Variants in ZBTB7C observed in about 807,000 individuals in gnomAD.
ZBTB7C encodes zinc finger and BTB domain-containing protein 7C.
In ZBTB7C, 8 loss-of-function variants were observed where a neutral mutation model predicts 25.7. The observed-to-expected ratio is 0.31, with a 90% CI of 0.18 to 0.56. The LOEUF (loss-of-function observed/expected upper bound fraction) is 0.56, where lower values mean the gene tolerates loss of function less well. ZBTB7C is among the 20% of genes least tolerant of loss of function. The pLI, the probability that ZBTB7C is intolerant of heterozygous loss-of-function variation, is 0.91. For missense variants in ZBTB7C, 824 were observed against 855.2 expected, an observed-to-expected ratio of 0.96 and a Z score of 0.46; for synonymous variants, 394 against 369.0, an observed-to-expected ratio of 1.07 and a Z score of -0.78.
At chr18:48,263,604 A>G (rs2044232099) in intron 2 of ZBTB7C, among the ~76,000 whole-genome samples, 1 of 151,926 alleles carries the variant, frequency 6.6e-6, no homozygotes, top group African/African-American at 2.4e-5. Context: ...CTTCCACAGC[A>G]GTCCTGAGAG....
At chr18:48,180,623 G>A (rs1452380854) in intron 3 of ZBTB7C, 1 of 307,116 alleles carries the variant, frequency 3.3e-6, no homozygotes, top group Non-Finnish European at 6.4e-6. Context: ...ACAAGGGCAA[G>A]TAAGTGGGAG....
chr18:48,059,794 T>G (rs1224540690), intron 3 of ZBTB7C, among the ~76,000 whole-genome samples: 1 of 152,052 alleles, frequency 6.6e-6, no homozygotes, highest in African/African-American at 2.4e-5. Context: ...TGGAGGGAGC[T>G]GTTGCTGCTC....
In ZBTB7C at chr18:48,048,383, T is replaced by C. The variant is rs566545821; in HGVS notation, c.-16-7260A>G. Among the ~76,000 whole-genome samples the C allele has an allele frequency of 1.1e-3, 162 of 152,318 alleles. 2 individuals are homozygous for C. The highest frequency in any genetic ancestry group is 3.6e-3 in the African/African-American group (151 of 41,580). On this transcript the variant is annotated intron_variant, in intron 3 of 4. Coordinates refer to ENST00000590800, the MANE Select transcript of ZBTB7C (RefSeq NM_001318841.2). ...ATAGGCTTAACCTGGATTCCCCAAG[T>C]GGGATCAAACAAATTGTCCTCAGCT... is the stretch of plus-strand genomic sequence containing the variant.
chr18:48,102,945 CA>C (rs1417981085), intron 3 of ZBTB7C, among the ~76,000 whole-genome samples: 1 of 151,470 alleles, frequency 6.6e-6, no homozygotes, highest in African/African-American at 2.4e-5. Context: ...TCAATTTTAT[CA>C]GAATTCAATT....
At chr18:48,359,398 T>C (rs895234895) in intron 1 of ZBTB7C, among the ~76,000 whole-genome samples, 2 of 152,202 alleles carry the variant, frequency 1.3e-5, no homozygotes, top group Non-Finnish European at 2.9e-5. Flanking sequence ...TATTATAATA[T>C]GTAACACAGC....
At chr18:48,371,742 G>A (rs775460775) in intron 1 of ZBTB7C, among the ~76,000 whole-genome samples, 15 of 152,206 alleles carry the variant, frequency 9.9e-5, no homozygotes, top group Non-Finnish European at 1.6e-4. Flanking sequence ...CTTCTGATGT[G>A]GCAGGTTTCA....
Position 48,372,742 on chromosome 18 carries a change from C to G in ZBTB7C, c.-303-34344G>C, listed in dbSNP as rs147439529. 6.5e-4 allele frequency among the ~76,000 whole-genome samples: 99 copies of G among 152,224 alleles called. No homozygotes were observed. In the East Asian group the frequency reaches 0.017, roughly 26 times the overall value. ...GGACTGTCTCCTGGCCCTTTCTCTT[C>G]CTTAAACACACCCTGTCAATAATCA... On this transcript the variant is annotated intron_variant, in intron 1 of 4. Transcript: ENST00000590800.
At chr18:48,187,653 AAT>A (rs2042089941) in intron 2 of ZBTB7C, among the ~76,000 whole-genome samples, 1 of 152,000 alleles carries the variant, frequency 6.6e-6, no homozygotes, top group Non-Finnish European at 1.5e-5. Flanking sequence ...CTCTACTAAA[AAT>A]ACACACACAC....
chr18:48,318,228 A>T (rs531525824), intron 2 of ZBTB7C, among the ~76,000 whole-genome samples: 2 of 152,102 alleles, frequency 1.3e-5, no homozygotes, highest in Admixed American at 1.3e-4. Flanking sequence ...AAAAAAACCT[A>T]AAAAAACAAC....
intron 1 of ZBTB7C, among the ~76,000 whole-genome samples, chr18:48,359,114 T>C (rs1224047129): frequency 6.6e-6 from 1 of 152,186 alleles, no homozygotes; most frequent in African/African-American, 2.4e-5. Flanking sequence ...GTACATCCTG[T>C]GACCCCAGCC....
intron 3 of ZBTB7C, among the ~76,000 whole-genome samples, chr18:48,079,883 C>G (rs1469354502): frequency 6.6e-6 from 1 of 152,202 alleles, no homozygotes; most frequent in East Asian, 1.9e-4. Flanking sequence ...CCTCAGCCAG[C>G]AAGAAGAGCC....
At chr18:48,090,900 G>A (rs777859118) in intron 3 of ZBTB7C, among the ~76,000 whole-genome samples, 13 of 152,118 alleles carry the variant, frequency 8.5e-5, no homozygotes, top group Non-Finnish European at 1.9e-4. Flanking sequence ...CTGAGTGCTG[G>A]TTATCTCTTT....
chr18:48,251,381 T>C (rs891344824), intron 2 of ZBTB7C, among the ~76,000 whole-genome samples: 23 of 152,232 alleles, frequency 1.5e-4, no homozygotes, highest in African/African-American at 5.5e-4. Context: ...ACCACACTTG[T>C]GATGCAGGAT....
At chr18:48,184,820 TC>T (rs2042016407) in intron 3 of ZBTB7C, among the ~76,000 whole-genome samples, 1 of 4,072 alleles carries the variant, frequency 2.5e-4, no homozygotes, top group Non-Finnish European at 5.1e-4. Context: ...TGGAGAATTT[TC>T]TCTCTCTCTC....
At chr18:48,291,037 T>A (rs1257799954) in intron 2 of ZBTB7C, among the ~76,000 whole-genome samples, 1 of 152,244 alleles carries the variant, frequency 6.6e-6, no homozygotes, top group South Asian at 2.1e-4. Context: ...CCTGGTATCA[T>A]CACCCTAGCC....
At chr18:48,117,769 C>A (rs901955819) in intron 3 of ZBTB7C, among the ~76,000 whole-genome samples, 41 of 152,138 alleles carry the variant, frequency 2.7e-4, no homozygotes, top group African/African-American at 9.7e-4. Flanking sequence ...CAGAACGAAT[C>A]TTTAGTAAAA....
chr18:48,357,594 C>T (rs1186441885), intron 1 of ZBTB7C, among the ~76,000 whole-genome samples: 5 of 152,202 alleles, frequency 3.3e-5, no homozygotes, highest in Non-Finnish European at 5.9e-5. Flanking sequence ...GCAGCACAGT[C>T]GGTGACTGCC....
chr18:48,220,579 C>T (rs1186752606), intron 2 of ZBTB7C, among the ~76,000 whole-genome samples: 4 of 152,098 alleles, frequency 2.6e-5, no homozygotes, highest in African/African-American at 9.7e-5. Flanking sequence ...ATGCCAAGTG[C>T]CCAGAATAGC....
chr18:48,393,193 T>C (rs1320818409), intron 1 of ZBTB7C, among the ~76,000 whole-genome samples: 1 of 151,904 alleles, frequency 6.6e-6, no homozygotes, highest in African/African-American at 2.4e-5. Context: ...TCGAGTGGAA[T>C]CAAGCGGGGC....
Sources: gnomAD v4.1 joint callset for allele counts (sites outside exome capture counted in the v4.1 genomes callset) on GRCh38, gnomAD v4.1.1 for gene constraint, MANE v1.5 for transcripts, NCBI Gene and HGNC (gene_info 2026-07-23, HGNC 2026-07-21) for gene names.